ANKFN1: variants seen among roughly 807,000 people sequenced by gnomAD.
The protein encoded by ANKFN1 is ankyrin repeat and fibronectin type-III domain-containing protein 1.
ANKFN1 carries 74 observed loss-of-function variants against 108.7 expected under a neutral mutation model. The observed-to-expected ratio is 0.68, with a 90% CI of 0.56 to 0.83. The LOEUF (loss-of-function observed/expected upper bound fraction) is 0.83, where lower values mean the gene tolerates loss of function less well. Among genes scored for constraint, ANKFN1 ranks in the 40% least tolerant of loss-of-function variants. The pLI is 0.00. For synonymous variants in ANKFN1, 547 were observed against 516.2 expected (o/e 1.06, Z -0.81); for missense variants, 1,505 against 1,382.3 (o/e 1.09, Z -1.41).
intron 4 of ANKFN1, among the ~76,000 whole-genome samples, chr17:56,074,308 C>T (rs568202057): frequency 6.6e-6 from 1 of 152,212 alleles, no homozygotes; most frequent in African/African-American, 2.4e-5. Context: ...TGCAGGGGCA[C>T]CCACGGCTCC....
At chr17:56,415,655 A>G (rs561212106) in intron 8 of ANKFN1, among the ~76,000 whole-genome samples, 1 of 152,294 alleles carries the variant, frequency 6.6e-6, no homozygotes, top group South Asian at 2.1e-4. Flanking sequence ...CAATCTATAG[A>G]TTCAATGCAA....
At chr17:56,101,408 T>C (rs1425535092) in intron 4 of ANKFN1, among the ~76,000 whole-genome samples, 1 of 152,218 alleles carries the variant, frequency 6.6e-6, no homozygotes, top group Non-Finnish European at 1.5e-5. Flanking sequence ...ACCTACACTT[T>C]AACCAATTAT....
At chr17:56,174,063 C>A in intron 1 of ANKFN1, 1 of 538,056 alleles carries the variant, frequency 1.9e-6, no homozygotes, top group Non-Finnish European at 2.4e-6. Flanking sequence ...CCTGTACTTG[C>A]TGTGCTATCA....
intron 3 of ANKFN1, among the ~76,000 whole-genome samples, chr17:56,250,730 C>T (rs2043214831): frequency 6.6e-6 from 1 of 151,992 alleles, no homozygotes; most frequent in African/African-American, 2.4e-5. Context: ...TACAATAGAC[C>T]ATTATGTATG....
At chr17:56,310,616 C>CAAA (rs111929941) in intron 3 of ANKFN1, among the ~76,000 whole-genome samples, 22 of 127,776 alleles carry the variant, frequency 1.7e-4, no homozygotes, top group Admixed American at 4.8e-4. Context: ...GACTCCATCT[C>CAAA]AAAAAAAAAA....
chr17:56,509,447 CCCAGCTAAG>C (rs1338969361), intron 20 of ANKFN1, among the ~76,000 whole-genome samples: 1 of 152,160 alleles, frequency 6.6e-6, no homozygotes, highest in Non-Finnish European at 1.5e-5. Context: ...AATGTAATGA[CCCAGCTAAG>C]CCAGGTCCCT....
chr17:56,183,249 G>C (rs1337541138), intron 1 of ANKFN1, among the ~76,000 whole-genome samples: 2 of 152,142 alleles, frequency 1.3e-5, no homozygotes, highest in African/African-American at 4.8e-5. Context: ...CGATTCCTAT[G>C]ATGGATCCTG....
intron 4 of ANKFN1, among the ~76,000 whole-genome samples, chr17:56,120,080 T>A (rs930193115): frequency 6.6e-6 from 1 of 152,224 alleles, no homozygotes; most frequent in Admixed American, 6.5e-5. Context: ...TCTCAAATGA[T>A]GCTTCATTCT....
At chr17:56,056,083 T>A (rs1489998180) in intron 4 of ANKFN1, among the ~76,000 whole-genome samples, 1 of 152,096 alleles carries the variant, frequency 6.6e-6, no homozygotes, top group African/African-American at 2.4e-5. Context: ...TTCTTTTTTC[T>A]TGTTGAGTTG....
At chr17:56,352,565 C>T (rs1201312267) in intron 5 of ANKFN1, among the ~76,000 whole-genome samples, 2 of 152,114 alleles carry the variant, frequency 1.3e-5, no homozygotes, top group African/African-American at 4.8e-5. Context: ...AAAAGAATTC[C>T]GGAGTTCTTC....
chr17:56,081,497 C>T (rs1409079953), intron 4 of ANKFN1, among the ~76,000 whole-genome samples: 1 of 152,010 alleles, frequency 6.6e-6, no homozygotes, highest in African/African-American at 2.4e-5. Flanking sequence ...GGACTACAGG[C>T]ACCCGCCACC....
intron 1 of ANKFN1, among the ~76,000 whole-genome samples, chr17:56,187,824 T>G (rs1360520938): frequency 6.6e-6 from 1 of 151,442 alleles, no homozygotes; most frequent in Non-Finnish European, 1.5e-5. Context: ...GAGCAAACTA[T>G]CGCAAGGACA....
At chr17:56,392,721 C>T (rs2047476429) in intron 8 of ANKFN1, among the ~76,000 whole-genome samples, 2 of 152,124 alleles carry the variant, frequency 1.3e-5, no homozygotes, top group Non-Finnish European at 2.9e-5. Flanking sequence ...ACAGTCTGGC[C>T]AATAAGCAGG....
intron 6 of ANKFN1, among the ~76,000 whole-genome samples, chr17:56,361,904 C>A (rs2046532123): frequency 6.6e-6 from 1 of 152,072 alleles, no homozygotes; most frequent in Non-Finnish European, 1.5e-5. Flanking sequence ...GAAAGAGAGA[C>A]CAGCCAAGGT....
intron 4 of ANKFN1, among the ~76,000 whole-genome samples, chr17:56,098,978 C>T (rs888418975): frequency 2.6e-5 from 4 of 152,116 alleles, no homozygotes; most frequent in Non-Finnish European, 4.4e-5. Flanking sequence ...AAGTGAGCTG[C>T]ATCTTTCCAG....
chr17:56,137,772 T>C, intron 4 of ANKFN1, among the ~76,000 whole-genome samples: 1 of 152,302 alleles, frequency 6.6e-6, no homozygotes, highest in Middle Eastern at 3.4e-3. Flanking sequence ...TTTTCTTATA[T>C]AAATTATTTA....
chr17:56,374,364 G>C (rs2046890265), intron 7 of ANKFN1, among the ~76,000 whole-genome samples: 1 of 152,124 alleles, frequency 6.6e-6, no homozygotes, highest in Non-Finnish European at 1.5e-5. Context: ...CTTTAGGAAG[G>C]CTTAACTGGT....
chr17:56,290,606 C>CAAACTAAATATTTT (rs1567889596), intron 3 of ANKFN1, among the ~76,000 whole-genome samples: 1 of 152,068 alleles, frequency 6.6e-6, no homozygotes, highest in Non-Finnish European at 1.5e-5. Context: ...GGGAAACATG[C>CAAACTAAATATTTT]AAACTAAATA....
At chr17:56,446,438 C>T (rs2049289192) in intron 10 of ANKFN1, among the ~76,000 whole-genome samples, 1 of 152,148 alleles carries the variant, frequency 6.6e-6, no homozygotes, top group Admixed American at 6.5e-5. Flanking sequence ...TCTGGGGGTG[C>T]TAAAAATGAT....
Sources: allele counts gnomAD v4.1 joint callset (sites outside exome capture counted in the v4.1 genomes callset), GRCh38; gene constraint gnomAD v4.1.1; transcripts MANE v1.5; gene names NCBI Gene and HGNC (gene_info 2026-07-23, HGNC 2026-07-21).